CNTLN: variants seen among roughly 807,000 people sequenced by gnomAD.
CNTLN encodes centlein, also known as centlein, centrosomal protein.
In CNTLN, 212 loss-of-function variants were observed where a neutral mutation model predicts 180.0. That is an observed-to-expected ratio of 1.18 (90% CI 1.05 to 1.32). The LOEUF is 1.32. Among genes scored for constraint, CNTLN ranks in the 40% most tolerant of loss-of-function variants. The pLI is 0.00. For missense variants in CNTLN, 2,095 were observed against 1,610.9 expected (o/e 1.30, Z -5.14); for synonymous variants, 722 against 563.1 (o/e 1.28, Z -3.99).
intron 12 of CNTLN, among the ~76,000 whole-genome samples, chr9:17,354,785 C>T (rs577246513): frequency 1.3e-5 from 2 of 152,032 alleles, no homozygotes; most frequent in Non-Finnish European, 2.9e-5. Context: ...CGCTCCAGTC[C>T]CCTTCCACAC....
At chr9:17,216,467 A>C (rs1362542765) in intron 2 of CNTLN, among the ~76,000 whole-genome samples, 1 of 152,128 alleles carries the variant, frequency 6.6e-6, no homozygotes, top group Non-Finnish European at 1.5e-5. Flanking sequence ...GATGATTTTT[A>C]GATTTTATTG....
chr9:17,521,350 C>G, the CNTLN span, among the ~76,000 whole-genome samples: 5 of 148,760 alleles, frequency 3.4e-5, no homozygotes, highest in Admixed American at 6.8e-5. Flanking sequence ...ATAGAGCAAT[C>G]TTAGGTGTAA....
chr9:17,523,258 A>G, the CNTLN span, among the ~76,000 whole-genome samples: 1 of 152,102 alleles, frequency 6.6e-6, no homozygotes, highest in African/African-American at 2.4e-5. Context: ...TGTTTTTGAG[A>G]TGGAGCCTCA....
chr9:17,462,487 G>T (rs1195010878), intron 19 of CNTLN, among the ~76,000 whole-genome samples: 1 of 151,748 alleles, frequency 6.6e-6, no homozygotes, highest in African/African-American at 2.4e-5. Context: ...ACGTTCAGTG[G>T]GTTAGGAAAT....
chr9:17,171,230 G>GT (rs1209558267), intron 2 of CNTLN, among the ~76,000 whole-genome samples: 3 of 152,114 alleles, frequency 2.0e-5, no homozygotes, highest in African/African-American at 7.2e-5. Flanking sequence ...CTTGTTTTTG[G>GT]TTTTTTTGTG....
At chr9:17,332,816 G>T (rs951937633) in intron 10 of CNTLN, 86 bp downstream of exon 10, 3 of 1,086,928 alleles carry the variant, frequency 2.8e-6, no homozygotes, top group African/African-American at 1.6e-5. Flanking sequence ...ATTACTAGTT[G>T]TCCTTTTTCT....
intron 2 of CNTLN, among the ~76,000 whole-genome samples, chr9:17,183,938 A>G (rs1821276926): frequency 6.6e-6 from 1 of 152,128 alleles, no homozygotes. Context: ...GAAAGCTAGT[A>G]TCTAAATTTG....
chr9:17,352,405 TATATATATATA>T (rs1180668946), intron 12 of CNTLN, among the ~76,000 whole-genome samples: 4 of 63,058 alleles, frequency 6.3e-5, no homozygotes, highest in Admixed American at 1.8e-4. Context: ...TATATATATA[TATATATATATA>T]TTTTTTTTTT....
chr9:17,409,542 T>A, intron 16 of CNTLN, 69 bp downstream of exon 16: 1 of 1,125,326 alleles, frequency 8.9e-7, no homozygotes, highest in Non-Finnish European at 1.3e-6. Context: ...ATAACTTAAG[T>A]AAATAAATGT....
chr9:17,418,155 G>T (rs568774576), intron 18 of CNTLN, among the ~76,000 whole-genome samples: 54 of 151,870 alleles, frequency 3.6e-4, no homozygotes, highest in African/African-American at 1.3e-3. Flanking sequence ...TGATAGAAAG[G>T]TCCAAGAACA....
At chr9:17,465,006 G>T (rs899680717) in intron 21 of CNTLN, among the ~76,000 whole-genome samples, 5 of 151,024 alleles carry the variant, frequency 3.3e-5, no homozygotes, top group Admixed American at 1.3e-4. Context: ...CTTTAAAAAT[G>T]TACTTTCTTC....
chr9:17,336,353 A>G (rs1334070532), intron 10 of CNTLN, among the ~76,000 whole-genome samples: 1 of 152,156 alleles, frequency 6.6e-6, no homozygotes, highest in Non-Finnish European at 1.5e-5. Flanking sequence ...GCGCCATTAA[A>G]ATGAAGAAGT....
At chr9:17,403,858 C>T (rs915009405) in intron 15 of CNTLN, among the ~76,000 whole-genome samples, 1 of 151,780 alleles carries the variant, frequency 6.6e-6, no homozygotes, top group South Asian at 2.1e-4. Flanking sequence ...TCACTGCAAC[C>T]TCTGCTTCGC....
intron 12 of CNTLN, among the ~76,000 whole-genome samples, chr9:17,355,432 C>T (rs1822756212): frequency 6.6e-6 from 1 of 152,176 alleles, no homozygotes; most frequent in Non-Finnish European, 1.5e-5. Context: ...GAAAGTTTTT[C>T]ATTTTAATGA....
chr9:17,273,859 C>T lies in CNTLN; in HGVS notation c.976C>T (p.Leu326=). 6.5e-7 allele frequency: 1 copy of T among 1,550,374 alleles called. No homozygotes were observed. The highest frequency in any genetic ancestry group is 1.2e-5 in the South Asian group (1 of 80,132). Reference sequence around the variant, plus strand: ...TATCCAGAAGGATATGGATATTACCCTGGTCAGGCAAGTATATTCAATTTT... The same window carrying T: ...TATCCAGAAGGATATGGATATTACCTTGGTCAGGCAAGTATATTCAATTTT... ...ELIQKDMDIT[L]VRKELQELQN... is the part of the protein sequence containing the mutation. Residue 326 remains leucine, a synonymous_variant, in exon 6 of 26, where the codon CTG becomes TTG. Transcript: ENST00000380647.
At chr9:17,217,263 A>G (rs1823822208) in intron 2 of CNTLN, among the ~76,000 whole-genome samples, 2 of 152,238 alleles carry the variant, frequency 1.3e-5, no homozygotes. Flanking sequence ...TTAAGGTAAA[A>G]TAATTGTGAT....
rs201722678 is a variant in CNTLN, at chr9:17,394,948, G to T, written c.2494G>T (p.Ala832Ser). Residue 832 changes from alanine (A) to serine (S), a missense_variant, in exon 15 of 26, where the codon GCT becomes TCT. By Grantham distance (99) the Ala-to-Ser change is moderately conservative. Transcript: ENST00000380647. ...AACTATGACCAAGGTTAAATTTAAA[G>T]CTGCGAAGAAAAATTGCTCTGTGGG... ...KTTMTKVKFK[A>S]AKKNCSVGRH... The T allele has an allele frequency of 1.9e-6, 3 of 1,613,940 alleles. No individual in the cohort carries two copies. The highest frequency in any genetic ancestry group is 2.5e-6 in the Non-Finnish European group (3 of 1,179,978).
intron 12 of CNTLN, among the ~76,000 whole-genome samples, chr9:17,359,725 C>CA (rs1176814681): frequency 0.021 from 454 of 21,360 alleles, 16 homozygotes; most frequent in East Asian, 0.042. Context: ...ACTAAAAATA[C>CA]AAAAAAAAAA....
downstream of CNTLN, among the ~76,000 whole-genome samples, chr9:17,506,017 A>G (rs1337248079): frequency 3.9e-5 from 6 of 152,044 alleles, no homozygotes; most frequent in East Asian, 7.7e-4. Flanking sequence ...TTCAAAAGCA[A>G]TTCAATAGAG....
Sources: allele counts gnomAD v4.1 joint callset (sites outside exome capture counted in the v4.1 genomes callset), GRCh38; gene constraint gnomAD v4.1.1; transcripts MANE v1.5; gene names NCBI Gene and HGNC (gene_info 2026-07-23, HGNC 2026-07-21).